CUEDC1: variants seen among roughly 807,000 people sequenced by gnomAD.
CUEDC1 encodes the protein CUE domain containing 1.
In CUEDC1, 30 loss-of-function variants were observed where a neutral mutation model predicts 43.7. The ratio of observed to expected loss-of-function variants is 0.69; its 90% CI spans 0.51 to 0.93. The LOEUF is 0.93. Ranked by LOEUF, CUEDC1 falls within the 40% of genes least tolerant of loss-of-function variation. CUEDC1 has a pLI of 0.00. For synonymous variants in CUEDC1, 223 were observed against 223.6 expected, an observed-to-expected ratio of 1.00 and a Z score of 0.02; for missense variants, 486 against 549.0, an observed-to-expected ratio of 0.89 and a Z score of 1.15.
At chr17:57,953,402 T>C (rs2075026140) in intron 1 of CUEDC1, among the ~76,000 whole-genome samples, 1 of 152,154 alleles carries the variant, frequency 6.6e-6, no homozygotes, top group African/African-American at 2.4e-5. Context: ...CAGGTCTCCA[T>C]GGCCACAAGC....
At chr17:57,939,163 C>T (rs1403154123) in intron 1 of CUEDC1, among the ~76,000 whole-genome samples, 2 of 151,330 alleles carry the variant, frequency 1.3e-5, no homozygotes, top group African/African-American at 2.4e-5. Flanking sequence ...GACGGGCTTT[C>T]ACCTTGTTGG....
chr17:57,926,246 C>T (rs2074746212), intron 1 of CUEDC1, among the ~76,000 whole-genome samples: 1 of 152,298 alleles, frequency 6.6e-6, no homozygotes, highest in South Asian at 2.1e-4. Context: ...AGTTCACCAT[C>T]ACCAAAGGTG....
chr17:57,906,800 C>T (rs1180607830), intron 1 of CUEDC1, among the ~76,000 whole-genome samples: 4 of 151,866 alleles, frequency 2.6e-5, no homozygotes, highest in African/African-American at 9.7e-5. Context: ...AGTGAAACCT[C>T]GTCTCTACTA....
chr17:57,910,783 T>A (rs2074574816), intron 1 of CUEDC1, among the ~76,000 whole-genome samples: 1 of 152,192 alleles, frequency 6.6e-6, no homozygotes, highest in African/African-American at 2.4e-5. Flanking sequence ...CATATCATAA[T>A]GTGATCATGA....
At chr17:57,874,891 A>G (rs1045279519) in intron 3 of CUEDC1, among the ~76,000 whole-genome samples, 2 of 152,094 alleles carry the variant, frequency 1.3e-5, no homozygotes, top group African/African-American at 2.4e-5. Flanking sequence ...CGGGGGCGGC[A>G]GCAGAAGGGA....
Position 57,871,142 on chromosome 17 carries a change from C to T in CUEDC1, c.868+144G>A, listed in dbSNP as rs2074028868. On this transcript the variant is annotated intron_variant, in intron 6 of 10. Coordinates refer to ENST00000577830, the MANE Select transcript of CUEDC1 (RefSeq NM_001271875.2). ...GATATGGAGATGGGGGCAGAAGCAG[C>T]CCCGCCAGCCTGCTGAGGAGGCCCA... The T allele has an allele frequency of 1.0e-5, 7 of 675,578 alleles. No individual in the cohort carries two copies. In the East Asian group the frequency reaches 1.6e-4, roughly 15 times the overall value. 41.8% of individuals were successfully genotyped at this position (675,578 alleles called of 1,614,324 possible). A position where few individuals can be genotyped will look rare whatever the true frequency, so the allele number is the denominator to read the frequency against.
At chr17:57,868,090 G>A in intron 8 of CUEDC1, 60 bp downstream of exon 8, 1 of 1,407,368 alleles carries the variant, frequency 7.1e-7, no homozygotes, top group Non-Finnish European at 1.0e-6. Flanking sequence ...TCCAACAGGG[G>A]TCTTGCTCCA....
intron 1 of CUEDC1, among the ~76,000 whole-genome samples, chr17:57,924,588 C>T (rs1479926091): frequency 6.6e-6 from 1 of 152,178 alleles, no homozygotes; most frequent in African/African-American, 2.4e-5. Context: ...GAGACTCTAT[C>T]GATGCACTGA....
chr17:57,872,642 G>T (rs995711985), intron 5 of CUEDC1, 21 bp downstream of exon 5: 2 of 1,611,768 alleles, frequency 1.2e-6, no homozygotes, highest in East Asian at 2.2e-5. Context: ...CCAGGGAGAA[G>T]TGGCTGCAGG....
intron 1 of CUEDC1, among the ~76,000 whole-genome samples, chr17:57,896,763 C>T (rs1044668072): frequency 1.6e-4 from 21 of 134,568 alleles, no homozygotes; most frequent in Admixed American, 5.8e-4. Context: ...TCTTTTTCTT[C>T]TTTCTTTTTT....
chr17:57,951,464 C>CT (rs113568952), intron 1 of CUEDC1, among the ~76,000 whole-genome samples: 1,875 of 146,278 alleles, frequency 0.013, 34 homozygotes, highest in African/African-American at 0.043. Context: ...GGAGTTGGAA[C>CT]TTTTTTTTTT....
intron 6 of CUEDC1, among the ~76,000 whole-genome samples, chr17:57,870,248 C>G (rs1478016574): frequency 6.6e-6 from 1 of 152,258 alleles, no homozygotes; most frequent in Non-Finnish European, 1.5e-5. Context: ...GGTCATCGTT[C>G]CCAGCTGTGG....
intron 1 of CUEDC1, among the ~76,000 whole-genome samples, chr17:57,912,817 CA>C (rs1481650574): frequency 6.6e-6 from 1 of 152,158 alleles, no homozygotes; most frequent in Non-Finnish European, 1.5e-5. Flanking sequence ...AGGGGTGCAT[CA>C]GAATCTCCGG....
chr17:57,904,671 C>G (rs192800851), intron 1 of CUEDC1, among the ~76,000 whole-genome samples: 1 of 152,248 alleles, frequency 6.6e-6, no homozygotes, highest in Admixed American at 6.5e-5. Context: ...AACCTTGAGG[C>G]CTTCAAGGAA....
chr17:57,878,227 G>C (rs572343008), intron 3 of CUEDC1, among the ~76,000 whole-genome samples: 1 of 152,166 alleles, frequency 6.6e-6, no homozygotes, highest in Non-Finnish European at 1.5e-5. Flanking sequence ...ACCTGGATTC[G>C]AACTCCAGCT....
intron 3 of CUEDC1, among the ~76,000 whole-genome samples, chr17:57,873,959 C>T (rs2074073848): frequency 6.6e-6 from 1 of 152,204 alleles, no homozygotes; most frequent in Non-Finnish European, 1.5e-5. Flanking sequence ...GTCTCTGGAC[C>T]TACAGAGCTG....
rs1207123420 is a variant in CUEDC1, at chr17:57,873,723, G to A, written c.465-6C>T. On this transcript the variant is annotated splice_region_variant and splice_polypyrimidine_tract_variant and intron_variant, in intron 3 of 10. Coordinates refer to ENST00000577830, the MANE Select transcript of CUEDC1 (RefSeq NM_001271875.2). ...CAGAGCCCAGCGCGTCGATACTAGG[G>A]GATGGCAGGTGACAGGGAAGAGGAA... The A allele has an allele frequency of 1.3e-6, 2 of 1,565,884 alleles. No individual in the cohort carries two copies. Among genetic ancestry groups the A allele is most frequent in the Non-Finnish European group, 1.7e-6 (2 of 1,153,636 alleles).
chr17:57,866,358 G>A (rs1038200752), intron 10 of CUEDC1, 116 bp downstream of exon 10: 58 of 842,518 alleles, frequency 6.9e-5, no homozygotes, highest in South Asian at 1.6e-4. Context: ...TGGGGCCTGT[G>A]CTACCCAGTT....
At chr17:57,920,436 CAATT>C (rs1195241485) in intron 1 of CUEDC1, among the ~76,000 whole-genome samples, 2 of 152,054 alleles carry the variant, frequency 1.3e-5, no homozygotes, top group African/African-American at 4.8e-5. Context: ...ACACAGCTGT[CAATT>C]AAAGCAAGCA....
Sources: gnomAD v4.1 joint callset for allele counts (sites outside exome capture counted in the v4.1 genomes callset) on GRCh38, gnomAD v4.1.1 for gene constraint, MANE v1.5 for transcripts, NCBI Gene and HGNC (gene_info 2026-07-23, HGNC 2026-07-21) for gene names.